ZNF81: variants seen among roughly 807,000 people sequenced by gnomAD.
ZNF81 encodes zinc finger protein 81.
A neutral mutation model predicts 32.3 loss-of-function variants in ZNF81; 5 were observed. The observed-to-expected ratio is 0.15, with a 90% CI of 0.08 to 0.33. ZNF81 has a LOEUF of 0.33. ZNF81 is among the 10% of genes least tolerant of loss of function. ZNF81 has a pLI of 1.00. For synonymous variants in ZNF81, 163 were observed against 166.8 expected (o/e 0.98, Z 0.17); for missense variants, 379 against 479.8 (o/e 0.79, Z 1.96).
At chrX:47,878,431 C>T (rs782649023) in intron 2 of ZNF81, among the ~76,000 whole-genome samples, 2 of 112,427 alleles carry the variant, frequency 1.8e-5, no homozygotes, top group African/African-American at 6.5e-5. Context: ...GCTCAGGACT[C>T]AACCTAGTGA....
chrX:47,848,040 G>A lies in ZNF81; in HGVS notation c.54+1719G>A, dbSNP rs1054159212. On this transcript the variant is annotated intron_variant, in intron 2 of 4. Transcript: ENST00000338637. The stretch of plus-strand genomic sequence containing the variant: ...CACCATTCTCCTGCCTCAGCCTCCC[G>A]ACTAGCTGGGACTACAGGCACCCGC... Among the ~76,000 whole-genome samples, 5 of 109,511 alleles carry A rather than the reference G, an allele frequency of 4.6e-5. No individual in the cohort carries two copies. In the Admixed American group the frequency reaches 4.9e-4, roughly 11 times the overall value.
At position 47,871,793 on chromosome X, in the gene ZNF81, T is replaced by G. The variant is rs2058581532; in HGVS notation, c.55-16206T>G. The stretch of plus-strand genomic sequence containing the variant: ...GTGACCCAAGGTAAGGGTTTGAGCC[T>G]TTTCACTAAGTGTGGCAGCTATTGC... On this transcript the variant is annotated intron_variant, in intron 2 of 4. Coordinates refer to ENST00000338637, the MANE Select transcript of ZNF81 (RefSeq NM_007137.5). Among the ~76,000 whole-genome samples, 3 of 112,028 alleles carry G rather than the reference T, an allele frequency of 2.7e-5. No homozygotes were observed. The South Asian group carries it at 1.1e-3, about 41-fold the overall frequency.
At chrX:47,841,259 G>A (rs1450797562) in intron 1 of ZNF81, 1 of 687,589 alleles carries the variant, frequency 1.5e-6, no homozygotes, top group Non-Finnish European at 2.3e-6. Context: ...ATGAGTTCCC[G>A]GACAGACTTC....
intron 4 of ZNF81, among the ~76,000 whole-genome samples, chrX:47,905,295 C>A (rs2058717007): frequency 9.6e-6 from 1 of 104,249 alleles, no homozygotes; most frequent in Admixed American, 1.0e-4. Flanking sequence ...CCTGTAATCC[C>A]AGCTGCTCGA....
chrX:47,888,031 C>T lies in ZNF81; in HGVS notation c.87C>T (p.Asp29=). 8.3e-7 allele frequency: 1 copy of T among 1,210,975 alleles called. No individual in the cohort carries two copies. The highest frequency in any genetic ancestry group is 1.8e-5 in the South Asian group (1 of 56,938). The part of the protein sequence containing the change: ...VSVSFEDVTV[D]FSREEWQQLD... ...TGTCATTTGAGGATGTGACTGTGGA[C>T]TTCAGTAGAGAGGAGTGGCAGCAAC... Residue 29 remains aspartate, a synonymous_variant, in exon 3 of 5, where the codon GAC becomes GAT. Coordinates refer to ENST00000338637, the MANE Select transcript of ZNF81 (RefSeq NM_007137.5).
rs1221483277 is a variant in ZNF81, at chrX:47,840,498, T to A, written c.-164+3511T>A. Among the ~76,000 whole-genome samples, 6 of 108,415 alleles carry A rather than the reference T, an allele frequency of 5.5e-5. No individual in the cohort carries two copies. The East Asian group carries it at 1.4e-3, about 26-fold the overall frequency. 94.1% of individuals were successfully genotyped at this position (108,415 alleles called of 115,157 possible). A position where few individuals can be genotyped will look rare whatever the true frequency, so the allele number is the denominator to read the frequency against. On this transcript the variant is annotated intron_variant, in intron 1 of 4. Transcript: ENST00000338637. ...TCTTTTCTTTTCTTTCTTTCTTTTCTTTTTCTTTTTTTTTTTTTTTTTGAG... is the reference window on the plus strand; with the variant it reads ...TCTTTTCTTTTCTTTCTTTCTTTTCATTTTCTTTTTTTTTTTTTTTTTGAG...
At chrX:47,873,698 G>A (rs2058588990) in intron 2 of ZNF81, among the ~76,000 whole-genome samples, 1 of 111,673 alleles carries the variant, frequency 9.0e-6, no homozygotes, top group Non-Finnish European at 1.9e-5. Context: ...ACAGAGTCTT[G>A]CTGTGTCACC....
At position 47,924,653 on chromosome X, in the gene ZNF81, C is replaced by T. The variant is rs1556892443; in HGVS notation, c.*8021C>T. 8.9e-6 allele frequency among the ~76,000 whole-genome samples: 1 copy of T among 111,789 alleles called. No homozygotes were observed. Among genetic ancestry groups the T allele is most frequent in the Admixed American group, 9.5e-5 (1 of 10,505 alleles). On this transcript the variant is annotated 3_prime_UTR_variant, in exon 5 of 5. Transcript: ENST00000338637. Reference sequence around the variant, plus strand: ...TTGACTCTAGCCTTGTCTTCAGAGACAATTCTCCTTGAATCTCATGTTCTT... The same window carrying T: ...TTGACTCTAGCCTTGTCTTCAGAGATAATTCTCCTTGAATCTCATGTTCTT...
At chrX:47,908,565 C>A (rs2058728667) in intron 4 of ZNF81, among the ~76,000 whole-genome samples, 1 of 111,761 alleles carries the variant, frequency 8.9e-6, no homozygotes, top group Non-Finnish European at 1.9e-5. Flanking sequence ...CAAATATATT[C>A]ACTAAAAGAA....
At chrX:47,892,293 C>A (rs964915454) in intron 3 of ZNF81, among the ~76,000 whole-genome samples, 2 of 111,604 alleles carry the variant, frequency 1.8e-5, no homozygotes, top group Non-Finnish European at 1.9e-5. Flanking sequence ...CCCCATTGCA[C>A]TTAGGTTTCC....
chrX:47,916,688 T>A lies in ZNF81; in HGVS notation c.*56T>A. ...TTATAAGGCTGACAAAAGTCAGGTC[T>A]AACTATATATTATAAAATTCATCCA... is the stretch of plus-strand genomic sequence containing the variant. On this transcript the variant is annotated 3_prime_UTR_variant, in exon 5 of 5. Coordinates refer to ENST00000338637, the MANE Select transcript of ZNF81 (RefSeq NM_007137.5). The A allele has an allele frequency of 1.8e-6, 2 of 1,092,295 alleles. No individual in the cohort carries two copies. Among genetic ancestry groups the A allele is most frequent in the Non-Finnish European group, 2.4e-6 (2 of 821,607 alleles). 90.0% of individuals were successfully genotyped at this position (1,092,295 alleles called of 1,213,427 possible).
Position 47,886,995 on chromosome X carries a change from A to G in ZNF81, c.55-1004A>G, listed in dbSNP as rs1168871186. 4.5e-5 allele frequency among the ~76,000 whole-genome samples: 5 copies of G among 112,113 alleles called. No homozygotes were observed. In the Admixed American group the frequency reaches 4.7e-4, roughly 11 times the overall value. ...AAACTTAATTTTTGTTAATTTTTGT[A>G]TATGGTGTGAGGCGTGGGTCAAGGT... On this transcript the variant is annotated intron_variant, in intron 2 of 4. Transcript: ENST00000338637.
At chrX:47,891,272 C>G (rs1481273206) in intron 3 of ZNF81, among the ~76,000 whole-genome samples, 3 of 112,871 alleles carry the variant, frequency 2.7e-5, no homozygotes, top group African/African-American at 9.7e-5. Flanking sequence ...AATGAAACCA[C>G]ATCTTGAAGA....
At chrX:47,841,596 A>G in intron 1 of ZNF81, 2 of 1,067,761 alleles carry the variant, frequency 1.9e-6, no homozygotes, top group Non-Finnish European at 2.6e-6. Context: ...TTCTTTGCCA[A>G]AAGTGCCTGC....
intron 2 of ZNF81, among the ~76,000 whole-genome samples, chrX:47,854,640 C>T (rs781877470): frequency 5.0e-4 from 56 of 111,071 alleles, no homozygotes; most frequent in Admixed American, 1.7e-3. Flanking sequence ...TAGGGAGGCC[C>T]GAGGAGAGGG....
At chrX:47,908,296 T>C (rs1172912284) in intron 4 of ZNF81, among the ~76,000 whole-genome samples, 1 of 111,341 alleles carries the variant, frequency 9.0e-6, no homozygotes, top group Non-Finnish European at 1.9e-5. Flanking sequence ...TCATTACTCA[T>C]CAGAGAAATG....
In ZNF81 at chrX:47,916,612, C is replaced by G; in HGVS notation, c.1966C>G (p.His656Asp). 8.3e-7 allele frequency: 1 copy of G among 1,202,032 alleles called. No homozygotes were observed. Among genetic ancestry groups the G allele is most frequent in the Non-Finnish European group, 1.1e-6 (1 of 892,034 alleles). The stretch of plus-strand genomic sequence containing the variant: ...CACCCAGAAATCAGTTCTCAGTATG[C>G]ATCGCAATATTCATACATGAAAGTA... Reference protein sequence around the residue: ...GFTQKSVLSMHRNIHT With the variant: ...GFTQKSVLSMDRNIHT The change falls in exon 5 of 5, where the codon CAT becomes GAT. Residue 656 changes from histidine (H) to aspartate (D), a missense_variant. By Grantham distance (81) the His-to-Asp change is moderately conservative. Transcript: ENST00000338637.
chrX:47,890,293 C>A (rs1043082875), intron 3 of ZNF81, among the ~76,000 whole-genome samples: 1 of 111,222 alleles, frequency 9.0e-6, no homozygotes, highest in African/African-American at 3.3e-5. Flanking sequence ...CCAACACCCC[C>A]ACTGTGGGGC....
chrX:47,904,100 T>C (rs1168355210), intron 4 of ZNF81, among the ~76,000 whole-genome samples: 1 of 111,894 alleles, frequency 8.9e-6, no homozygotes, highest in Non-Finnish European at 1.9e-5. Flanking sequence ...CCTAAAACCA[T>C]AAAATCCCTA....
Sources: allele counts gnomAD v4.1 joint callset (sites outside exome capture counted in the v4.1 genomes callset), GRCh38; gene constraint gnomAD v4.1.1; transcripts MANE v1.5; gene names NCBI Gene and HGNC (gene_info 2026-07-23, HGNC 2026-07-21).